Variants in ADNP observed in about 807,000 individuals in gnomAD.
The protein encoded by ADNP is activity dependent neuroprotector homeobox.
In ADNP, 4 loss-of-function variants were observed where a neutral mutation model predicts 84.9. That is an observed-to-expected ratio of 0.05 (90% CI 0.02 to 0.11). The LOEUF is 0.11. ADNP is among the 10% of genes least tolerant of loss of function. The probability of loss-of-function intolerance (pLI) is 1.00; values close to 1 mark genes in which losing one functional copy is unlikely to be tolerated. For synonymous variants in ADNP, 554 were observed against 468.1 expected, an observed-to-expected ratio of 1.18 and a Z score of -2.37; for missense variants, 1,132 against 1,326.0, an observed-to-expected ratio of 0.85 and a Z score of 2.27.
At position 50,891,358 on chromosome 20, in the gene ADNP, C is replaced by T; in HGVS notation, c.*47G>A. 1 of 1,526,516 alleles carries T rather than the reference C, an allele frequency of 6.6e-7. No individual in the cohort carries two copies. The highest frequency in any genetic ancestry group is 1.4e-5 in the African/African-American group (1 of 72,662). The allele number at this position is 1,526,516 out of a possible 1,614,324, so 94.6% of individuals were successfully genotyped here. A position where few individuals can be genotyped will look rare whatever the true frequency, so the allele number is the denominator to read the frequency against. On this transcript the variant is annotated 3_prime_UTR_variant, in exon 6 of 6. Transcript: ENST00000621696. Reference sequence around the variant, plus strand: ...ACAGCTTTGCAGTCACACTGGATATCAGAGTTCCAGGCTGCAGCATGTCAC... The same window carrying T: ...ACAGCTTTGCAGTCACACTGGATATTAGAGTTCCAGGCTGCAGCATGTCAC...
At chr20:50,929,163 G>GC (rs1193068496) in intron 1 of ADNP, among the ~76,000 whole-genome samples, 15 of 152,156 alleles carry the variant, frequency 9.9e-5, no homozygotes, top group Non-Finnish European at 1.8e-4. Flanking sequence ...AACCAGCTAT[G>GC]CCCCCAAACC....
intron 2 of ADNP, among the ~76,000 whole-genome samples, chr20:50,906,110 G>A (rs1400896515): frequency 6.6e-6 from 1 of 152,164 alleles, no homozygotes; most frequent in Non-Finnish European, 1.5e-5. Flanking sequence ...TACTCGGGAG[G>A]CTGAGGCAGG....
chr20:50,891,455 G>T lies in ADNP; in HGVS notation c.3259C>A (p.Pro1087Thr). 6.2e-7 allele frequency: 1 copy of T among 1,612,578 alleles called. No individual in the cohort carries two copies. The change falls in exon 6 of 6, where the codon CCC becomes ACC. Residue 1087 changes from proline to threonine, a missense_variant. Coordinates refer to ENST00000621696, the MANE Select transcript of ADNP (RefSeq NM_001282531.3). ...FDNMTDGVAE[P>T]MHGSLAGVKL... The stretch of plus-strand genomic sequence containing the variant: ...ACTCCGGCTAAGCTGCCATGCATGG[G>T]CTCAGCTACTCCATCAGTCATGTTG...
intron 2 of ADNP, among the ~76,000 whole-genome samples, chr20:50,921,644 CACCAGTAGA>C (rs1311334207): frequency 6.6e-6 from 1 of 152,146 alleles, no homozygotes; most frequent in African/African-American, 2.4e-5. Flanking sequence ...ATTTCCAGTA[CACCAGTAGA>C]ACCAGTTGTT....
Position 50,892,418 on chromosome 20 carries a change from C to T in ADNP, c.2296G>A (p.Ala766Thr). 1 of 1,614,208 alleles carries T rather than the reference C, an allele frequency of 6.2e-7. No individual in the cohort carries two copies. Among genetic ancestry groups the T allele is most frequent in the Non-Finnish European group, 8.5e-7 (1 of 1,180,046 alleles). The change falls in exon 6 of 6, where the codon GCC becomes ACC. Residue 766 changes from alanine (A) to threonine (T), a missense_variant. Coordinates refer to ENST00000621696, the MANE Select transcript of ADNP (RefSeq NM_001282531.3). ...TACTTTGTTAGAAAGCTTTTCCTGG[C>T]TTCATAGGAATCATCTTCATGACCC... ...PKGHEDDSYE[A>T]RKSFLTKYFN...
Position 50,926,242 on chromosome 20 carries a change from C to T in ADNP, c.-90+2409G>A, listed in dbSNP as rs182553459. Among the ~76,000 whole-genome samples the T allele has an allele frequency of 2.1e-3, 327 of 152,280 alleles. 2 individuals carry two copies. The highest frequency in any genetic ancestry group is 7.8e-3 in the African/African-American group (324 of 41,554). On this transcript the variant is annotated intron_variant, in intron 2 of 5. Coordinates refer to ENST00000621696, the MANE Select transcript of ADNP (RefSeq NM_001282531.3). The stretch of plus-strand genomic sequence containing the variant: ...AGCAATGTTTCTCTTAATGTACATG[C>T]CTCTCAGTCAAGAGAATGAAGGTTA...
At chr20:50,906,296 C>T (rs186167992) in intron 2 of ADNP, among the ~76,000 whole-genome samples, 45 of 152,302 alleles carry the variant, frequency 3.0e-4, no homozygotes, top group Admixed American at 2.9e-3. Context: ...TTCAGAAATA[C>T]AGAAAAGTGT....
At chr20:50,910,792 C>G (rs1982953178) in intron 2 of ADNP, among the ~76,000 whole-genome samples, 2 of 152,062 alleles carry the variant, frequency 1.3e-5, no homozygotes, top group Admixed American at 1.3e-4. Flanking sequence ...GTAGATGAGA[C>G]TAGAGGTATG....
At chr20:50,909,738 A>C (rs1205826223) in intron 2 of ADNP, 1 of 152,274 alleles carries the variant, frequency 6.6e-6, no homozygotes, top group Non-Finnish European at 1.5e-5. Context: ...ACAGAAAGTC[A>C]CTTTTCCAGC....
Position 50,890,913 on chromosome 20 carries a change from G to A in ADNP, c.*492C>T, listed in dbSNP as rs1980627132. On this transcript the variant is annotated 3_prime_UTR_variant, in exon 6 of 6. Coordinates refer to ENST00000621696, the MANE Select transcript of ADNP (RefSeq NM_001282531.3). Reference sequence around the variant, plus strand: ...GATGGGCACACAGTAACAGGATCATGAGCATCACTTGAATAGGTCTAAAAG... The same window carrying A: ...GATGGGCACACAGTAACAGGATCATAAGCATCACTTGAATAGGTCTAAAAG... The A allele has an allele frequency of 4.1e-6, 4 of 984,372 alleles. No individual in the cohort carries two copies. Among genetic ancestry groups the A allele is most frequent in the African/African-American group, 1.7e-5 (1 of 57,348 alleles). The allele number at this position is 984,372 out of a possible 1,614,324, so 61.0% of individuals were successfully genotyped here.
chr20:50,915,011 C>T (rs1983401307), intron 2 of ADNP, among the ~76,000 whole-genome samples: 3 of 151,660 alleles, frequency 2.0e-5, no homozygotes, highest in South Asian at 4.1e-4. Flanking sequence ...CAAGATAAAA[C>T]GTATGGTTTT....
intron 5 of ADNP, among the ~76,000 whole-genome samples, chr20:50,899,718 T>C (rs1981768177): frequency 6.6e-6 from 1 of 151,896 alleles, no homozygotes; most frequent in Non-Finnish European, 1.5e-5. Context: ...GGTAATACCA[T>C]TGATCTTGAC....
intron 5 of ADNP, among the ~76,000 whole-genome samples, chr20:50,896,325 T>TA (rs893272008): frequency 1.5e-4 from 23 of 150,334 alleles, no homozygotes; most frequent in South Asian, 6.3e-4. Flanking sequence ...AAATTTGTTT[T>TA]AAAAAAAAAC....
chr20:50,899,392 G>C (rs531606203), intron 5 of ADNP, among the ~76,000 whole-genome samples: 1 of 152,004 alleles, frequency 6.6e-6, no homozygotes, highest in African/African-American at 2.4e-5. Flanking sequence ...CGTATTTTTA[G>C]TAGAGAGGGG....
At chr20:50,902,834 T>C (rs1197947363) in intron 4 of ADNP, among the ~76,000 whole-genome samples, 1 of 152,218 alleles carries the variant, frequency 6.6e-6, no homozygotes, top group Non-Finnish European at 1.5e-5. Flanking sequence ...TCTATGAAGA[T>C]GACCCCACAG....
chr20:50,927,558 C>A (rs898578951), intron 2 of ADNP, among the ~76,000 whole-genome samples: 1 of 131,252 alleles, frequency 7.6e-6, no homozygotes, highest in Non-Finnish European at 1.6e-5. Context: ...CCAATTGTTT[C>A]ACTTTTTTTT....
rs753268138 is a variant in ADNP, at chr20:50,891,720, G to A, written c.2994C>T (p.Asp998=). ...TTGCATCTTCGCTTTGGGAAGACTCGTCAGACCAGGTTCCTGGTTTCATTT... is the reference window on the plus strand; with the variant it reads ...TTGCATCTTCGCTTTGGGAAGACTCATCAGACCAGGTTCCTGGTTTCATTT... The part of the protein sequence containing the change: ...TCEMKPGTWS[D]ESSQSEDARS... Residue 998 remains aspartate, a synonymous_variant, in exon 6 of 6, where the codon GAC becomes GAT. Coordinates refer to ENST00000621696, the MANE Select transcript of ADNP (RefSeq NM_001282531.3). The A allele has an allele frequency of 9.9e-5, 159 of 1,613,966 alleles. No homozygotes were observed. The highest frequency in any genetic ancestry group is 1.2e-4 in the Non-Finnish European group (141 of 1,180,026).
At chr20:50,920,285 G>C (rs1475601176) in intron 2 of ADNP, among the ~76,000 whole-genome samples, 1 of 86,314 alleles carries the variant, frequency 1.2e-5, no homozygotes, top group Admixed American at 1.2e-4. Flanking sequence ...AAAAAAAAAA[G>C]AAAGAAAGAA....
Position 50,893,396 on chromosome 20 carries a change from T to C in ADNP, c.1318A>G (p.Thr440Ala). 1 of 1,614,160 alleles carries C rather than the reference T, an allele frequency of 6.2e-7. No individual in the cohort carries two copies. The highest frequency in any genetic ancestry group is 1.1e-5 in the South Asian group (1 of 91,080). ...AAATGPPPGN[T>A]SSTQKWKICT... ...ATTTTCCACTTTTGAGTTGAGGAAG[T>C]GTTACCTGGGGGAGGGCCTGTGGCA... Residue 440 changes from threonine to alanine, a missense_variant, in exon 6 of 6, where the codon ACT (threonine) becomes GCT (alanine). Coordinates refer to ENST00000621696, the MANE Select transcript of ADNP (RefSeq NM_001282531.3). This position sits in a 1 kb window ranked among gnomAD's most constrained non-coding sequence, Gnocchi z 4.4.
Sources: allele counts gnomAD v4.1 joint callset (sites outside exome capture counted in the v4.1 genomes callset), GRCh38; gene constraint gnomAD v4.1.1; non-coding constraint Gnocchi (gnomAD v3.1); transcripts MANE v1.5; gene names NCBI Gene and HGNC (gene_info 2026-07-23, HGNC 2026-07-21).